The following USP36 variants were observed in gnomAD, a reference collection of about 807,000 sequenced individuals.
USP36 encodes ubiquitin specific peptidase 36.
A neutral mutation model predicts 111.5 loss-of-function variants in USP36; 59 were observed. The observed-to-expected ratio is 0.53, with a 90% CI of 0.43 to 0.66. The LOEUF (loss-of-function observed/expected upper bound fraction) is 0.66. USP36 is among the 30% of genes least tolerant of loss of function. USP36 has a pLI of 0.00. For synonymous variants in USP36, 628 were observed against 581.0 expected, an observed-to-expected ratio of 1.08 and a Z score of -1.16; for missense variants, 1,488 against 1,468.0, an observed-to-expected ratio of 1.01 and a Z score of -0.22.
Position 78,813,773 on chromosome 17 carries a change from C to T in USP36, c.1265G>A (p.Arg422Gln). ...TCTGGGGAGGGCGTGAGTTTATTAC[C>T]GCAGATAGAACAGCACGTAGGCCTG... ...NQQAYVLFYLRIPGSKKSPEG... is the reference protein window; with the variant it reads ...NQQAYVLFYLQIPGSKKSPEG... The change falls in exon 12 of 21, where the codon CGA becomes CAA. Residue 422 changes from arginine to glutamine, a missense_variant and splice_region_variant. Arg to Gln is a conservative substitution (Grantham distance 43). Coordinates refer to ENST00000449938, the MANE Select transcript of USP36 (RefSeq NM_001385174.1). 2 of 1,613,754 alleles carry T rather than the reference C, an allele frequency of 1.2e-6. No individual in the cohort carries two copies. The highest frequency in any genetic ancestry group is 1.7e-6 in the Non-Finnish European group (2 of 1,179,792).
chr17:78,824,047 G>A (rs914028095), intron 6 of USP36, among the ~76,000 whole-genome samples: 4 of 152,196 alleles, frequency 2.6e-5, no homozygotes, highest in East Asian at 1.9e-4. Flanking sequence ...ACTCCAAGCC[G>A]AACGTCCTCA....
Position 78,806,225 on chromosome 17 carries a change from G to A in USP36, c.2147C>T (p.Ser716Phe). The change falls in exon 15 of 21, where the codon TCC (serine) becomes TTC (phenylalanine). Residue 716 changes from serine to phenylalanine, a missense_variant. Around this residue, in one of 3 missense-constraint regions of USP36, gnomAD observed 1,073 missense variants for 994.1 expected, o/e 1.08. Coordinates refer to ENST00000449938, the MANE Select transcript of USP36 (RefSeq NM_001385174.1). ...DLRPPPPSPSSDLTHPMKTSH... is the reference protein window; with the variant it reads ...DLRPPPPSPSFDLTHPMKTSH... ...GGTTTTCATGGGGTGGGTGAGGTCG[G>A]AGGATGGTGAGGGGGGAGGTGGACG... 6.2e-7 allele frequency: 1 copy of A among 1,613,876 alleles called. No homozygotes were observed. Among genetic ancestry groups the A allele is most frequent in the Non-Finnish European group, 8.5e-7 (1 of 1,180,006 alleles).
intron 4 of USP36, among the ~76,000 whole-genome samples, chr17:78,830,569 G>A (rs1329569388): frequency 1.3e-5 from 2 of 152,202 alleles, no homozygotes; most frequent in African/African-American, 2.4e-5. Flanking sequence ...AAATCTGCTA[G>A]ATACTGTTGT....
downstream of USP36, among the ~76,000 whole-genome samples, chr17:78,791,122 T>C (rs571904524): frequency 6.6e-6 from 1 of 150,442 alleles, no homozygotes; most frequent in Admixed American, 6.6e-5. Flanking sequence ...ATTCCCAATC[T>C]GGCCTTCTTT....
rs150547254 is a variant in USP36, at chr17:78,827,336, G to C, written c.598C>G (p.His200Asp). 3 of 1,612,176 alleles carry C rather than the reference G, an allele frequency of 1.9e-6. No individual in the cohort carries two copies. Among genetic ancestry groups the C allele is most frequent in the Non-Finnish European group, 2.5e-6 (3 of 1,178,528 alleles). Residue 200 changes from histidine (H) to aspartate (D), a missense_variant, in exon 6 of 21, where the codon CAC (histidine) becomes GAC (aspartate). Around this residue, in one of 3 missense-constraint regions of USP36, gnomAD observed 196 missense variants for 264.4 expected, o/e 0.74. Transcript: ENST00000449938. ...TCCTCCTGGTTCCCAAAGCGGAAGT[G>C]TCGGGCGATCTCTAAAAGAGGAAGA... ...FIRDLKKIAR[H>D]FRFGNQEDAH...
At position 78,827,307 on chromosome 17, in the gene USP36, C is replaced by T. The variant is rs962125542; in HGVS notation, c.627G>A (p.Ala209=). The T allele has an allele frequency of 5.6e-6, 9 of 1,613,572 alleles. No individual in the cohort carries two copies. Among genetic ancestry groups the T allele is most frequent in the African/African-American group, 1.3e-5 (1 of 74,930 alleles). The change falls in exon 6 of 21, where the codon GCG becomes GCA. Residue 209 remains alanine (A), a synonymous_variant. Transcript: ENST00000449938. The part of the protein sequence containing the change: ...RHFRFGNQED[A]HEFLRYTIDA... ...CGATGGTGTACCGCAGGAACTCATG[C>T]GCGTCCTCCTGGTTCCCAAAGCGGA...
Position 78,821,929 on chromosome 17 carries a change from C to G in USP36, c.757+8G>C, listed in dbSNP as rs563935174. ...GCAAGAAGCAGTAGAACAAACGTCTCCACTTACCGCGTGATCTGAGATACC... is the reference window on the plus strand; with the variant it reads ...GCAAGAAGCAGTAGAACAAACGTCTGCACTTACCGCGTGATCTGAGATACC... On this transcript the variant is annotated splice_region_variant and intron_variant, in intron 7 of 20. Coordinates refer to ENST00000449938, the MANE Select transcript of USP36 (RefSeq NM_001385174.1). The G allele has an allele frequency of 6.2e-7, 1 of 1,614,096 alleles. No homozygotes were observed. The highest frequency in any genetic ancestry group is 1.7e-5 in the Admixed American group (1 of 60,022).
chr17:78,825,576 C>A (rs1031639242), intron 6 of USP36, among the ~76,000 whole-genome samples: 2 of 152,158 alleles, frequency 1.3e-5, no homozygotes, highest in African/African-American at 4.8e-5. Flanking sequence ...CCACCACCCA[C>A]CCCAATGCCC....
rs985862323 is a variant in USP36, at chr17:78,814,308, A to G, written c.1164+104T>C. 4.4e-5 allele frequency: 65 copies of G among 1,474,516 alleles called. No homozygotes were observed. The African/African-American group carries it at 8.0e-4, about 18-fold the overall frequency. 91.3% of individuals were successfully genotyped at this position (1,474,516 alleles called of 1,614,324 possible). ...GAGGACTTGAATACAACCACAAAAC[A>G]TCACACTTTTCACAAAGTAAGTGCT... On this transcript the variant is annotated intron_variant, in intron 11 of 20. Transcript: ENST00000449938.
chr17:78,841,064 G>C (rs1446236582), upstream of USP36: 1 of 152,228 alleles, frequency 6.6e-6, no homozygotes, highest in Non-Finnish European at 1.5e-5. Flanking sequence ...TGCCGCGGCA[G>C]GGTGACGTCT....
At chr17:78,794,622 C>G (rs981929466), downstream of USP36, among the ~76,000 whole-genome samples, 6 of 152,140 alleles carry the variant, frequency 3.9e-5, no homozygotes, top group Non-Finnish European at 7.4e-5. Context: ...TGGGAAACGG[C>G]AGTTAAGAAT....
downstream of USP36, among the ~76,000 whole-genome samples, chr17:78,791,590 C>T (rs1338762121): frequency 3.3e-5 from 5 of 152,338 alleles, no homozygotes; most frequent in African/African-American, 9.6e-5. Flanking sequence ...TCTCAGGCCC[C>T]TCTCACAGGG....
chr17:78,821,241 C>G (rs1261260359), intron 7 of USP36, 180 bp from the exon 8 acceptor site: 1 of 589,956 alleles, frequency 1.7e-6, no homozygotes, highest in Admixed American at 3.1e-5. Flanking sequence ...CACTGAAGTT[C>G]ACAAAGATGG....
chr17:78,787,924 A>C (rs2093549151), intron 3 of USP36, among the ~76,000 whole-genome samples: 1 of 152,182 alleles, frequency 6.6e-6, no homozygotes, highest in African/African-American at 2.4e-5. Flanking sequence ...CTACGTGAAG[A>C]TGGAAGCACA....
At chr17:78,806,783 C>T (rs1052327512) in intron 14 of USP36, among the ~76,000 whole-genome samples, 176 bp downstream of exon 14, 4 of 152,360 alleles carry the variant, frequency 2.6e-5, no homozygotes, top group African/African-American at 7.2e-5. Context: ...TGCCTTCACC[C>T]CAAGATAGCC....
rs1195037903 is a variant in USP36 at position 78,802,365 on chromosome 17, C to T, written c.2981G>A (p.Cys994Tyr). The change falls in exon 17 of 21, where the codon TGC (cysteine) becomes TAC (tyrosine). Residue 994 changes from cysteine (C) to tyrosine (Y), a missense_variant. Cys to Tyr is a radical substitution (Grantham distance 194, BLOSUM62 -2). Coordinates refer to ENST00000449938, the MANE Select transcript of USP36 (RefSeq NM_001385174.1). The stretch of plus-strand genomic sequence containing the variant: ...ACACCAGCCATTCGCGGATGGTGCG[C>T]AGCTGCTGGACTCGGGGACAACAGC... ...QDAVVPESSS[C>Y]APSANGWCPG... The T allele has an allele frequency of 6.2e-7, 1 of 1,602,716 alleles. No individual in the cohort carries two copies. Among genetic ancestry groups the T allele is most frequent in the Admixed American group, 1.7e-5 (1 of 58,468 alleles).
At chr17:78,795,282 C>T (rs1034853822), downstream of USP36, among the ~76,000 whole-genome samples, 3 of 152,160 alleles carry the variant, frequency 2.0e-5, no homozygotes, top group African/African-American at 7.2e-5. This position sits in a 1 kb window ranked among gnomAD's most constrained non-coding sequence, Gnocchi z 4.5. Context: ...GGTGTCCAGC[C>T]AAACCCCTAA....
rs143223744 is a variant in USP36 at position 78,807,155 on chromosome 17, G to A, written c.1889C>T (p.Pro630Leu). ...GCAGAGATGGGCCGCTCCACTCCTG[G>A]GGGTCTGGGGGGCCTTGGTGGAGTC... ...SSDSTKAPQT[P>L]RSGAAHLCDS... The change falls in exon 14 of 21, where the codon CCC becomes CTC. Residue 630 changes from proline to leucine, a missense_variant. By Grantham distance (98) the Pro-to-Leu change is moderately conservative. Coordinates refer to ENST00000449938, the MANE Select transcript of USP36 (RefSeq NM_001385174.1). The A allele has an allele frequency of 5.4e-5, 87 of 1,614,134 alleles. No individual in the cohort carries two copies. The highest frequency in any genetic ancestry group is 6.9e-5 in the Non-Finnish European group (82 of 1,180,058).
downstream of USP36, among the ~76,000 whole-genome samples, chr17:78,791,598 G>A (rs2093584898): frequency 6.6e-6 from 1 of 152,172 alleles, no homozygotes; most frequent in Non-Finnish European, 1.5e-5. Context: ...CCCTCTCACA[G>A]GGCAATTTCC....
Sources: allele counts gnomAD v4.1 joint callset (sites outside exome capture counted in the v4.1 genomes callset), GRCh38; gene constraint gnomAD v4.1.1; regional missense constraint gnomAD v4.1.1; non-coding constraint Gnocchi (gnomAD v3.1); transcripts MANE v1.5; gene names NCBI Gene and HGNC (gene_info 2026-07-23, HGNC 2026-07-21).